The following PDE10A variants were observed in gnomAD, a reference collection of about 807,000 sequenced individuals.
PDE10A encodes phosphodiesterase 10A.
In PDE10A, 39 loss-of-function variants were observed where a neutral mutation model predicts 97.7. The ratio of observed to expected loss-of-function variants is 0.40; its 90% CI spans 0.31 to 0.52. The LOEUF (loss-of-function observed/expected upper bound fraction) is 0.52, where lower values mean the gene tolerates loss of function less well. PDE10A is among the 20% of genes least tolerant of loss of function. PDE10A has a pLI of 0.56. For missense variants in PDE10A, 731 were observed against 1,047.8 expected, an observed-to-expected ratio of 0.70 and a Z score of 4.17; for synonymous variants, 371 against 376.8, an observed-to-expected ratio of 0.98 and a Z score of 0.18.
At chr6:165,422,276 T>TAC (rs1219259467) in intron 10 of PDE10A, among the ~76,000 whole-genome samples, 2 of 151,244 alleles carry the variant, frequency 1.3e-5, no homozygotes, top group African/African-American at 2.4e-5. Flanking sequence ...CACATACGCA[T>TAC]ACACACACAC....
chr6:165,543,677 C>T (rs950772529), intron 1 of PDE10A, 109 bp from the exon 2 acceptor site: 15 of 778,974 alleles, frequency 1.9e-5, no homozygotes, highest in Middle Eastern at 3.4e-4. Flanking sequence ...TCTCATCTAA[C>T]GGAGAGAGGG....
intron 1 of PDE10A, among the ~76,000 whole-genome samples, chr6:165,974,984 T>C (rs1407576131): frequency 6.6e-6 from 1 of 152,218 alleles, no homozygotes; most frequent in Non-Finnish European, 1.5e-5. Context: ...TATTCTTTCC[T>C]GGCTGCGCAG....
At chr6:165,697,453 C>T (rs971004469) in intron 1 of PDE10A, among the ~76,000 whole-genome samples, 5 of 152,180 alleles carry the variant, frequency 3.3e-5, no homozygotes, top group African/African-American at 1.2e-4. Flanking sequence ...GAAAAACATT[C>T]CATTTGGTGC....
At chr6:165,763,359 G>T (rs1422605150) in intron 1 of PDE10A, among the ~76,000 whole-genome samples, 1 of 152,152 alleles carries the variant, frequency 6.6e-6, no homozygotes, top group Non-Finnish European at 1.5e-5. Flanking sequence ...GTCTTGCTCT[G>T]TCACCCAGGC....
chr6:165,682,101 C>T (rs1191197554), intron 1 of PDE10A, among the ~76,000 whole-genome samples: 1 of 152,146 alleles, frequency 6.6e-6, no homozygotes, highest in Non-Finnish European at 1.5e-5. Flanking sequence ...TTACTTGAGA[C>T]TGAAGGTTTT....
chr6:165,713,656 C>T (rs1791957484), intron 1 of PDE10A, among the ~76,000 whole-genome samples: 1 of 152,160 alleles, frequency 6.6e-6, no homozygotes, highest in Admixed American at 6.5e-5. Flanking sequence ...AACACCGATG[C>T]TTTCTAAAAA....
chr6:165,866,896 T>C (rs971788141), intron 1 of PDE10A, among the ~76,000 whole-genome samples: 5 of 151,800 alleles, frequency 3.3e-5, no homozygotes, highest in African/African-American at 1.2e-4. Context: ...AAGCAAAAAC[T>C]GGTGAATTCA....
chr6:165,627,092 C>T (rs1395643123), intron 1 of PDE10A, among the ~76,000 whole-genome samples: 2 of 152,162 alleles, frequency 1.3e-5, no homozygotes, highest in Non-Finnish European at 2.9e-5. Flanking sequence ...CCCATTGGTT[C>T]GAAAACTACC....
At position 165,889,030 on chromosome 6, in the gene PDE10A, A is replaced by G. The variant is rs185374415; in HGVS notation, c.-615+98499T>C. ...CATACTTTTTGTGTATCTTTTATGA[A>G]CTGAATATCAATGCTGCCTATGGAT... On this transcript the variant is annotated intron_variant, in intron 1 of 19. Coordinates refer to the PDE10A transcript ENST00000366882. 1.7e-3 allele frequency among the ~76,000 whole-genome samples: 263 copies of G among 152,366 alleles called. 1 individual carries two copies. The highest frequency in any genetic ancestry group is 5.9e-3 in the African/African-American group (247 of 41,590).
chr6:165,977,990 G>C (rs182936454), intron 1 of PDE10A, among the ~76,000 whole-genome samples: 16 of 152,334 alleles, frequency 1.1e-4, no homozygotes, highest in African/African-American at 3.6e-4. Flanking sequence ...AGGTAACGAA[G>C]ATGTGCTTTT....
intron 1 of PDE10A, among the ~76,000 whole-genome samples, chr6:165,887,704 C>A (rs569246888): frequency 1.2e-4 from 19 of 152,338 alleles, no homozygotes; most frequent in Admixed American, 5.2e-4. Context: ...CTTCAAGACA[C>A]ATCCAGAGTC....
At chr6:165,555,546 T>C (rs1784210958) in intron 1 of PDE10A, among the ~76,000 whole-genome samples, 1 of 152,190 alleles carries the variant, frequency 6.6e-6, no homozygotes, top group Non-Finnish European at 1.5e-5. Context: ...GTAAGAGAAA[T>C]GCCTTCCTGT....
At chr6:165,558,260 A>G (rs1023165211) in intron 1 of PDE10A, among the ~76,000 whole-genome samples, 8 of 152,230 alleles carry the variant, frequency 5.3e-5, no homozygotes, top group African/African-American at 1.9e-4. Flanking sequence ...TACACCATGG[A>G]ATACTATGCA....
At chr6:165,979,422 T>C (rs959340885) in intron 1 of PDE10A, among the ~76,000 whole-genome samples, 1 of 152,256 alleles carries the variant, frequency 6.6e-6, no homozygotes, top group Non-Finnish European at 1.5e-5. Flanking sequence ...TGTGCTGCTG[T>C]GGCATGTTTA....
chr6:165,387,517 C>T (rs996681220), intron 17 of PDE10A, among the ~76,000 whole-genome samples: 2 of 152,200 alleles, frequency 1.3e-5, no homozygotes, highest in East Asian at 1.9e-4. Context: ...TTTTCTGCTT[C>T]GCAACTTGCC....
intron 1 of PDE10A, among the ~76,000 whole-genome samples, chr6:165,673,739 TAC>T (rs1790712544): frequency 6.6e-6 from 1 of 152,250 alleles, no homozygotes; most frequent in African/African-American, 2.4e-5. Context: ...TTTCTGCCAA[TAC>T]AGAGTTTTTC....
intron 1 of PDE10A, among the ~76,000 whole-genome samples, chr6:165,685,039 A>G (rs900562317): frequency 3.3e-5 from 5 of 152,234 alleles, no homozygotes; most frequent in African/African-American, 1.2e-4. Context: ...TATTAGATGT[A>G]TCTGCTAGTT....
Position 165,704,324 on chromosome 6 carries a change from AC to A in PDE10A, c.-614-160757del, listed in dbSNP as rs144578156. On this transcript the variant is annotated intron_variant, in intron 1 of 19. Transcript: ENST00000366882. Reference sequence around the variant, plus strand: ...GAAACAAAGGAGGAGCACGTGGGACACCCATGCAAATTACAAACCCAACCGG... The same window carrying A: ...GAAACAAAGGAGGAGCACGTGGGACACCATGCAAATTACAAACCCAACCGG... 5.0e-3 allele frequency among the ~76,000 whole-genome samples: 757 copies of A among 152,312 alleles called. 7 individuals are homozygous for A. Among genetic ancestry groups the A allele is most frequent in the African/African-American group, 0.017 (692 of 41,554 alleles).
chr6:165,912,538 A>T (rs1782491704), intron 1 of PDE10A, among the ~76,000 whole-genome samples: 1 of 152,160 alleles, frequency 6.6e-6, no homozygotes, highest in Middle Eastern at 3.4e-3. Context: ...CTTGCCTTTG[A>T]TGGTTGATTT....
Sources: gnomAD v4.1 joint callset for allele counts (sites outside exome capture counted in the v4.1 genomes callset) on GRCh38, gnomAD v4.1.1 for gene constraint, MANE v1.5 for transcripts, NCBI Gene and HGNC (gene_info 2026-07-23, HGNC 2026-07-21) for gene names.